Variants in SGCD observed in about 807,000 individuals in gnomAD.
The protein encoded by SGCD is delta-sarcoglycan.
SGCD carries 18 observed loss-of-function variants against 36.6 expected under a neutral mutation model. That is an observed-to-expected ratio of 0.49 (90% confidence interval 0.34 to 0.73). The LOEUF (loss-of-function observed/expected upper bound fraction) is 0.73, where lower values mean the gene tolerates loss of function less well. SGCD is among the 30% of genes least tolerant of loss of function. The probability of loss-of-function intolerance (pLI) is 0.01; values close to 1 mark genes in which losing one functional copy is unlikely to be tolerated. For synonymous variants in SGCD, 133 were observed against 130.6 expected (o/e 1.02, Z -0.12); for missense variants, 387 against 346.7 (o/e 1.12, Z -0.92).
At chr5:156,748,123 A>G (rs1465380449) in intron 7 of SGCD, among the ~76,000 whole-genome samples, 1 of 152,206 alleles carries the variant, frequency 6.6e-6, no homozygotes, top group East Asian at 1.9e-4. Context: ...ATCATAAAAG[A>G]GTAAAAATCT....
intron 3 of SGCD, among the ~76,000 whole-genome samples, chr5:156,140,439 C>T (rs574556234): frequency 3.3e-5 from 5 of 152,144 alleles, no homozygotes; most frequent in East Asian, 3.9e-4. Context: ...TTGATGAGGT[C>T]GTAGATGGTC....
At chr5:156,079,716 A>T (rs1760898747) in intron 1 of SGCD, among the ~76,000 whole-genome samples, 1 of 152,250 alleles carries the variant, frequency 6.6e-6, no homozygotes, top group African/African-American at 2.4e-5. Context: ...ACAATTCTGC[A>T]AGAGGTGGGC....
chr5:156,445,866 C>T (rs750037254), intron 3 of SGCD, among the ~76,000 whole-genome samples: 18 of 152,048 alleles, frequency 1.2e-4, no homozygotes, highest in African/African-American at 2.7e-4. Context: ...TGTTTTTAAC[C>T]GTCGTGTGCT....
At chr5:156,300,989 A>G (rs1055633025) in intron 3 of SGCD, among the ~76,000 whole-genome samples, 17 of 151,880 alleles carry the variant, frequency 1.1e-4, no homozygotes, top group African/African-American at 3.4e-4. Context: ...TTTTCAATCT[A>G]TGTGTGTCTT....
chr5:155,897,063 G>C (rs961700203), intron 1 of SGCD, among the ~76,000 whole-genome samples: 1 of 152,126 alleles, frequency 6.6e-6, no homozygotes, highest in African/African-American at 2.4e-5. Context: ...TTAACAATGG[G>C]AATCTATTCT....
chr5:155,812,254 C>T, the SGCD span, among the ~76,000 whole-genome samples: 63 of 152,274 alleles, frequency 4.1e-4, 1 homozygote, highest in African/African-American at 1.4e-3. Flanking sequence ...AGGCTCTCCA[C>T]AAGGGTTGCA....
intron 4 of SGCD, among the ~76,000 whole-genome samples, chr5:156,522,323 C>A (rs1757445241): frequency 6.6e-6 from 1 of 151,886 alleles, no homozygotes; most frequent in African/African-American, 2.4e-5. Flanking sequence ...GCACATGTAC[C>A]CTAGAACTTA....
At chr5:156,467,760 A>C in intron 3 of SGCD, among the ~76,000 whole-genome samples, 1 of 152,236 alleles carries the variant, frequency 6.6e-6, no homozygotes, top group East Asian at 1.9e-4. Flanking sequence ...AAGAACTATG[A>C]GGCCCTAAAG....
At chr5:156,556,252 G>A (rs185042024) in intron 4 of SGCD, among the ~76,000 whole-genome samples, 1 of 152,106 alleles carries the variant, frequency 6.6e-6, no homozygotes, top group African/African-American at 2.4e-5. Flanking sequence ...GAAACCATTA[G>A]GAAGATTAAA....
At chr5:155,916,980 A>T (rs1045387534) in intron 1 of SGCD, among the ~76,000 whole-genome samples, 1 of 152,134 alleles carries the variant, frequency 6.6e-6, no homozygotes, top group African/African-American at 2.4e-5. Flanking sequence ...AAACTGTGAC[A>T]TTCTTGCTCT....
At chr5:156,273,522 T>C (rs2127670631) in intron 3 of SGCD, among the ~76,000 whole-genome samples, 1 of 152,310 alleles carries the variant, frequency 6.6e-6, no homozygotes, top group South Asian at 2.1e-4. Flanking sequence ...CTAATCGGGC[T>C]CTGCTGTAAC....
chr5:155,740,764 G>C, the SGCD span, among the ~76,000 whole-genome samples: 1 of 152,166 alleles, frequency 6.6e-6, no homozygotes, highest in Non-Finnish European at 1.5e-5. Flanking sequence ...TCTTGTTTTG[G>C]AGTGTGATAG....
chr5:156,582,635 T>C (rs547886891), intron 4 of SGCD, among the ~76,000 whole-genome samples: 1 of 152,350 alleles, frequency 6.6e-6, no homozygotes, highest in South Asian at 2.1e-4. Flanking sequence ...TCAGTATTTT[T>C]TTTCTCCTAT....
Position 156,044,054 on chromosome 5 carries a change from A to T in SGCD, c.-281-73824A>T, listed in dbSNP as rs73302963. Reference sequence around the variant, plus strand: ...CTCAATATTTGTATGTATTCAGTCAAAGAGCCCCTAAGCACCCTATGCTTT... The same window carrying T: ...CTCAATATTTGTATGTATTCAGTCATAGAGCCCCTAAGCACCCTATGCTTT... On this transcript the variant is annotated intron_variant, in intron 1 of 9. Transcript: ENST00000517913. 4.5e-3 allele frequency among the ~76,000 whole-genome samples: 682 copies of T among 152,302 alleles called. 3 individuals are homozygous for T. The highest frequency in any genetic ancestry group is 0.014 in the African/African-American group (594 of 41,572).
At chr5:156,288,004 T>C (rs1484106576) in intron 3 of SGCD, among the ~76,000 whole-genome samples, 1 of 152,156 alleles carries the variant, frequency 6.6e-6, no homozygotes, top group Non-Finnish European at 1.5e-5. Context: ...CATATGCAGT[T>C]CAGTTAGAAT....
At chr5:156,577,751 T>C (rs1760037067) in intron 4 of SGCD, among the ~76,000 whole-genome samples, 1 of 152,244 alleles carries the variant, frequency 6.6e-6, no homozygotes, top group African/African-American at 2.4e-5. Context: ...GCTTGTGATT[T>C]TTGCTCATTA....
chr5:156,261,616 CTTTCTA>C (rs1173049286), intron 3 of SGCD, among the ~76,000 whole-genome samples: 1 of 152,086 alleles, frequency 6.6e-6, no homozygotes, highest in African/African-American at 2.4e-5. Flanking sequence ...AGAGTGTACT[CTTTCTA>C]TTTATATATA....
At position 156,177,191 on chromosome 5, in the gene SGCD, G is replaced by A. The variant is rs1581148868; in HGVS notation, c.-44+53172G>A. ...TAATTTTTGTATTTTTAGTAGAGAC[G>A]GGGTTTTACCATGTTGGCCAGGATG... On this transcript the variant is annotated intron_variant, in intron 3 of 9. Coordinates refer to the SGCD transcript ENST00000517913. 2.0e-5 allele frequency among the ~76,000 whole-genome samples: 3 copies of A among 151,850 alleles called. No individual in the cohort carries two copies. The South Asian group carries it at 6.3e-4, about 32-fold the overall frequency.
intron 1 of SGCD, among the ~76,000 whole-genome samples, chr5:155,959,367 T>C (rs1252412365): frequency 6.6e-6 from 1 of 152,146 alleles, no homozygotes; most frequent in Non-Finnish European, 1.5e-5. Flanking sequence ...TCTCCAAGTC[T>C]GTAGCCTGAA....
Sources: allele counts gnomAD v4.1 joint callset (sites outside exome capture counted in the v4.1 genomes callset), GRCh38; gene constraint gnomAD v4.1.1; transcripts MANE v1.5; gene names NCBI Gene and HGNC (gene_info 2026-07-23, HGNC 2026-07-21).